The following EXOSC4 variants were observed in gnomAD, a reference collection of about 807,000 sequenced individuals.
The protein encoded by EXOSC4 is exosome component 4.
In EXOSC4, 14 loss-of-function variants were observed where a neutral mutation model predicts 20.0. The ratio of observed to expected loss-of-function variants is 0.70; its 90% CI spans 0.46 to 1.09. The LOEUF (loss-of-function observed/expected upper bound fraction) is 1.09. EXOSC4 is among the 50% of genes least tolerant of loss of function. EXOSC4 has a pLI of 0.00. For missense variants in EXOSC4, 337 were observed against 334.0 expected, an observed-to-expected ratio of 1.01 and a Z score of -0.07; for synonymous variants, 148 against 146.4, an observed-to-expected ratio of 1.01 and a Z score of -0.08.
chr8:144,078,882 G>C lies in EXOSC4; in HGVS notation c.154G>C (p.Val52Leu). The stretch of plus-strand genomic sequence containing the variant: ...GGGCAACACCAAGGCACTGGCTGTG[G>C]TCTACGGCCCGCACGAGGCGAGTGG... ...EQGNTKALAVVYGPHEIRGSR... is the reference protein window; with the variant it reads ...EQGNTKALAVLYGPHEIRGSR... The change falls in exon 1 of 3, where the codon GTC becomes CTC. Residue 52 changes from valine (V) to leucine (L), a missense_variant. By Grantham distance (32) the Val-to-Leu change is conservative. Coordinates refer to ENST00000316052, the MANE Select transcript of EXOSC4 (RefSeq NM_019037.3). This position sits in a 1 kb window ranked among gnomAD's most constrained non-coding sequence, Gnocchi z 4.7. 1 of 1,504,406 alleles carries C rather than the reference G, an allele frequency of 6.6e-7. No individual in the cohort carries two copies. The highest frequency in any genetic ancestry group is 8.9e-7 in the Non-Finnish European group (1 of 1,125,618). The allele number at this position is 1,504,406 out of a possible 1,614,324, so 93.2% of individuals were successfully genotyped here.
At chr8:144,064,084 C>T in the EXOSC4 span, 1 of 152,420 alleles carries the variant, frequency 6.6e-6, no homozygotes, top group African/African-American at 2.4e-5. Context: ...TTCCAACCAC[C>T]CCGTGGCAGA....
chr8:144,079,800 G>A (rs535344008), intron 1 of EXOSC4, 143 bp from the exon 2 acceptor site: 8 of 837,454 alleles, frequency 9.6e-6, no homozygotes, highest in South Asian at 6.7e-5. Context: ...GACAGAGAGC[G>A]CAAAACAGGG....
chr8:144,074,149 A>C (rs1457881500), upstream of EXOSC4, among the ~76,000 whole-genome samples: 1 of 152,184 alleles, frequency 6.6e-6, no homozygotes, highest in Non-Finnish European at 1.5e-5. Flanking sequence ...TTGGGCCCCA[A>C]CAAAGTATTT....
chr8:144,080,424 G>T lies in EXOSC4; in HGVS notation c.561G>T (p.Leu187=). 6.2e-7 allele frequency: 1 copy of T among 1,610,712 alleles called. No homozygotes were observed. Among genetic ancestry groups the T allele is most frequent in the Non-Finnish European group, 8.5e-7 (1 of 1,179,990 alleles). ...EEAAGGPQLA[L]ALLPASGQIA... ...CAGCTGGTGGCCCCCAGCTGGCCCT[G>T]GCCCTGCTGCCAGCCTCAGGACAGA... The change falls in exon 3 of 3, where the codon CTG becomes CTT. Residue 187 remains leucine, a synonymous_variant. Transcript: ENST00000316052. The surrounding 1 kb of genome is among the most constrained non-coding windows in gnomAD (Gnocchi z 4.9).
intron 1 of EXOSC4, chr8:144,079,102 C>A: frequency 2.0e-6 from 1 of 511,588 alleles, no homozygotes; most frequent in Non-Finnish European, 3.2e-6. Flanking sequence ...CGGCCTCTGT[C>A]CCTGCGCCCT....
At chr8:144,079,619 T>G in intron 1 of EXOSC4, 2 of 456,434 alleles carry the variant, frequency 4.4e-6, no homozygotes, top group South Asian at 1.9e-5. Context: ...AGGGAAATGA[T>G]TTGGGATCTT....
At chr8:144,076,024 G>A (rs1835833053), upstream of EXOSC4, among the ~76,000 whole-genome samples, 1 of 152,196 alleles carries the variant, frequency 6.6e-6, no homozygotes, top group African/African-American at 2.4e-5. Context: ...CCACTCTCTG[G>A]TAAGCGTGTC....
upstream of EXOSC4, among the ~76,000 whole-genome samples, chr8:144,075,614 C>T (rs1419533440): frequency 6.6e-6 from 1 of 152,156 alleles, no homozygotes. Context: ...CTCAAGTGAT[C>T]CGCCTGCCTC....
chr8:144,065,881 T>A, the EXOSC4 span, among the ~76,000 whole-genome samples: 1 of 150,502 alleles, frequency 6.6e-6, no homozygotes, highest in African/African-American at 2.4e-5. Flanking sequence ...CAATCATAGC[T>A]CATCGAAGCC....
chr8:144,076,931 C>T (rs1835840701), upstream of EXOSC4, among the ~76,000 whole-genome samples: 1 of 152,110 alleles, frequency 6.6e-6, no homozygotes, highest in Admixed American at 6.5e-5. Context: ...GTTAGCAGGG[C>T]ATGGTGGTGC....
rs1554763383 is a variant in EXOSC4 at position 144,080,624 on chromosome 8, A to G, written c.*23A>G. The G allele has an allele frequency of 6.3e-7, 1 of 1,589,654 alleles. No homozygotes were observed. The highest frequency in any genetic ancestry group is 1.3e-5 in the African/African-American group (1 of 74,876). On this transcript the variant is annotated 3_prime_UTR_variant, in exon 3 of 3. Transcript: ENST00000316052. The surrounding 1 kb of genome is among the most constrained non-coding windows in gnomAD (Gnocchi z 4.9). ...TGACCACCCAGCCACCCATGTCCAG[A>G]ATAAAACCCTCCTCTGCCCACACAC...
chr8:144,068,574 C>T, the EXOSC4 span, among the ~76,000 whole-genome samples: 3 of 152,316 alleles, frequency 2.0e-5, no homozygotes, highest in South Asian at 2.1e-4. Flanking sequence ...CAGGGCAGGA[C>T]GCCCAGTGGG....
chr8:144,066,987 TGAGGCAGAAGAATCGCTTGAACCTGG>T, the EXOSC4 span, among the ~76,000 whole-genome samples: 1 of 152,012 alleles, frequency 6.6e-6, no homozygotes, highest in Non-Finnish European at 1.5e-5. Flanking sequence ...CTCGGGAGGC[TGAGGCAGAAGAATCGCTTGAACCTGG>T]GAGGCAGAGG....
chr8:144,079,925 G>T lies in EXOSC4; in HGVS notation c.172-18G>T. The T allele has an allele frequency of 6.2e-7, 1 of 1,613,106 alleles. No individual in the cohort carries two copies. The highest frequency in any genetic ancestry group is 8.5e-7 in the Non-Finnish European group (1 of 1,179,236). ...GCTGGAAGGAGTGGGCCTGGCTCAT[G>T]TGTCTGTCCTCTTCCAGATCCGGGG... On this transcript the variant is annotated intron_variant, in intron 1 of 2. Coordinates refer to ENST00000316052, the MANE Select transcript of EXOSC4 (RefSeq NM_019037.3).
At chr8:144,072,500 C>T in the EXOSC4 span, among the ~76,000 whole-genome samples, 7 of 152,212 alleles carry the variant, frequency 4.6e-5, no homozygotes, top group East Asian at 1.4e-3. Flanking sequence ...TACCTCCTAT[C>T]TACCTGTATG....
chr8:144,075,610 T>G (rs1835829879), upstream of EXOSC4, among the ~76,000 whole-genome samples: 1 of 152,164 alleles, frequency 6.6e-6, no homozygotes, highest in East Asian at 1.9e-4. Context: ...TAGGCTCAAG[T>G]GATCCGCCTG....
At chr8:144,079,764 A>T in intron 1 of EXOSC4, 179 bp from the exon 2 acceptor site, 1 of 739,268 alleles carries the variant, frequency 1.4e-6, no homozygotes, top group Admixed American at 1.9e-5. Context: ...AGCCAATTAA[A>T]AGGTGCCAGA....
upstream of EXOSC4, among the ~76,000 whole-genome samples, chr8:144,074,413 A>C (rs1371688570): frequency 6.6e-6 from 1 of 152,056 alleles, no homozygotes; most frequent in Non-Finnish European, 1.5e-5. Flanking sequence ...CTGGTGTAGA[A>C]ATGGCTTCCG....
Position 144,080,372 on chromosome 8 carries a change from T to A in EXOSC4, c.509T>A (p.Leu170Gln). 6.2e-7 allele frequency: 1 copy of A among 1,612,596 alleles called. No homozygotes were observed. Among genetic ancestry groups the A allele is most frequent in the South Asian group, 1.1e-5 (1 of 91,088 alleles). The change falls in exon 3 of 3, where the codon CTG becomes CAG. Residue 170 changes from leucine to glutamine, a missense_variant. Physicochemically the swap from Leu to Gln is moderately radical, Grantham distance 113. Coordinates refer to ENST00000316052, the MANE Select transcript of EXOSC4 (RefSeq NM_019037.3). The surrounding 1 kb of genome is among the most constrained non-coding windows in gnomAD (Gnocchi z 4.9). ...CSAGFVDGTALADLSHVEEAA... is the reference protein window; with the variant it reads ...CSAGFVDGTAQADLSHVEEAA... ...GCTGGCTTCGTGGACGGCACAGCCC[T>A]GGCGGACCTCAGCCATGTGGAGGAA...
Sources: gnomAD v4.1 joint callset for allele counts (sites outside exome capture counted in the v4.1 genomes callset) on GRCh38, gnomAD v4.1.1 for gene constraint, Gnocchi (gnomAD v3.1) non-coding constraint, MANE v1.5 for transcripts, NCBI Gene and HGNC (gene_info 2026-07-23, HGNC 2026-07-21) for gene names.